Variants in STX17 observed in about 807,000 individuals in gnomAD.
STX17 encodes the protein syntaxin 17.
A neutral mutation model predicts 35.9 loss-of-function variants in STX17; 29 were observed. That is an observed-to-expected ratio of 0.81 (90% CI 0.60 to 1.10). The LOEUF (loss-of-function observed/expected upper bound fraction) is 1.10, where lower values mean the gene tolerates loss of function less well. STX17 is among the 50% of genes least tolerant of loss of function. The pLI, the probability that STX17 is intolerant of heterozygous loss-of-function variation, is 0.00. For missense variants in STX17, 312 were observed against 352.3 expected, an observed-to-expected ratio of 0.89 and a Z score of 0.92; for synonymous variants, 92 against 118.3, an observed-to-expected ratio of 0.78 and a Z score of 1.44.
At chr9:99,959,754 C>G (rs1254482329) in intron 4 of STX17, among the ~76,000 whole-genome samples, 163 bp from the exon 5 acceptor site, 1 of 152,192 alleles carries the variant, frequency 6.6e-6, no homozygotes, top group African/African-American at 2.4e-5. Flanking sequence ...AGCCACTGCA[C>G]CCAGCCAAAC....
chr9:99,928,983 A>G, intron 3 of STX17, 140 bp downstream of exon 3: 1 of 699,516 alleles, frequency 1.4e-6, no homozygotes, highest in Non-Finnish European at 2.3e-6. Flanking sequence ...TTTAGCAGAA[A>G]TTGCTGAATC....
At chr9:99,953,073 T>G (rs1053562773) in intron 4 of STX17, among the ~76,000 whole-genome samples, 1 of 151,990 alleles carries the variant, frequency 6.6e-6, no homozygotes. Flanking sequence ...AAAGAAATGT[T>G]ACATCTGCCC....
At chr9:99,919,745 A>C (rs185016989) in intron 2 of STX17, among the ~76,000 whole-genome samples, 3 of 152,148 alleles carry the variant, frequency 2.0e-5, no homozygotes, top group Non-Finnish European at 4.4e-5. Flanking sequence ...GATGTTTGCT[A>C]TTTCTTAGAT....
intron 1 of STX17, among the ~76,000 whole-genome samples, chr9:99,912,828 A>G (rs1486176210): frequency 6.6e-6 from 1 of 152,124 alleles, no homozygotes; most frequent in Non-Finnish European, 1.5e-5. Context: ...CATTTATTCT[A>G]TCCGTTAACA....
chr9:99,928,809 A>G lies in STX17; in HGVS notation c.155A>G (p.His52Arg), dbSNP rs745490602. ...YQRCRIWDKL[H>R]EEHINAGRTV... ...AGGTGCAGAATCTGGGACAAGTTGC[A>G]TGAAGAGCATATCAATGCAGGACGT... Residue 52 changes from histidine to arginine, a missense_variant, in exon 3 of 8, where the codon CAT becomes CGT. His to Arg is a conservative substitution (Grantham distance 29). Transcript: ENST00000259400. 9.9e-6 allele frequency: 16 copies of G among 1,613,610 alleles called. No individual in the cohort carries two copies. Among genetic ancestry groups the G allele is most frequent in the East Asian group, 4.5e-5 (2 of 44,800 alleles).
chr9:99,947,286 A>G (rs563183433), intron 3 of STX17, among the ~76,000 whole-genome samples: 4 of 152,266 alleles, frequency 2.6e-5, no homozygotes, highest in South Asian at 2.1e-4. Context: ...TAAAAAACCT[A>G]TATGTTGCTT....
Position 99,968,907 on chromosome 9 carries a change from T to A in STX17, c.*234T>A, listed in dbSNP as rs1829974589. 1 of 421,890 alleles carries A rather than the reference T, an allele frequency of 2.4e-6. No homozygotes were observed. Among genetic ancestry groups the A allele is most frequent in the African/African-American group, 2.0e-5 (1 of 48,868 alleles). 26.1% of individuals were successfully genotyped at this position (421,890 alleles called of 1,614,324 possible). ...TATATAATGTATGTCAGGTAAAGTT[T>A]GAAGACTGCCAAGGAGCAGATTTTC... is the stretch of plus-strand genomic sequence containing the variant. On this transcript the variant is annotated 3_prime_UTR_variant, in exon 8 of 8. Transcript: ENST00000259400.
intron 2 of STX17, among the ~76,000 whole-genome samples, chr9:99,924,350 C>T (rs1220976259): frequency 6.6e-6 from 1 of 151,960 alleles, no homozygotes; most frequent in African/African-American, 2.4e-5. Context: ...CCCACGTGGG[C>T]CATGGGAGTT....
At chr9:99,936,059 A>AT (rs1364887931) in intron 3 of STX17, among the ~76,000 whole-genome samples, 3 of 152,170 alleles carry the variant, frequency 2.0e-5, no homozygotes, top group African/African-American at 4.8e-5. Flanking sequence ...TTTGAAATTC[A>AT]TTTATGTTGT....
At chr9:99,919,864 T>C (rs372323471) in intron 2 of STX17, among the ~76,000 whole-genome samples, 22 of 152,354 alleles carry the variant, frequency 1.4e-4, no homozygotes, top group African/African-American at 5.1e-4. Flanking sequence ...AGAGGCAGCA[T>C]ATAATTACTA....
At chr9:99,931,994 C>T (rs1490355878) in intron 3 of STX17, among the ~76,000 whole-genome samples, 1 of 152,178 alleles carries the variant, frequency 6.6e-6, no homozygotes, top group Non-Finnish European at 1.5e-5. Context: ...CTTAGGGATA[C>T]CTCCAAATAT....
intron 3 of STX17, among the ~76,000 whole-genome samples, chr9:99,945,354 C>T (rs1054108533): frequency 1.3e-5 from 2 of 151,986 alleles, no homozygotes; most frequent in African/African-American, 4.8e-5. Flanking sequence ...AAGTGATTCT[C>T]TTTATTTTTA....
In STX17 at chr9:99,915,176, A is replaced by C; in HGVS notation, c.-62-2A>C. On this transcript the variant is annotated splice_acceptor_variant, in intron 1 of 7. Coordinates refer to ENST00000259400, the MANE Select transcript of STX17 (RefSeq NM_017919.3). LOFTEE classifies it low-confidence loss of function (5UTR_SPLICE). ...ATTCTTAAAGAAATATTTTTCTTTT[A>C]GGTTTTTCTATATGAGTGGAGAAGA... The C allele has an allele frequency of 6.7e-7, 1 of 1,488,338 alleles. No individual in the cohort carries two copies. Among genetic ancestry groups the C allele is most frequent in the Non-Finnish European group, 8.9e-7 (1 of 1,117,560 alleles). The allele number at this position is 1,488,338 out of a possible 1,614,324, so 92.2% of individuals were successfully genotyped here. A position where few individuals can be genotyped will look rare whatever the true frequency, so the allele number is the denominator to read the frequency against.
Position 99,938,093 on chromosome 9 carries a change from G to A in STX17, c.189+9250G>A, listed in dbSNP as rs1001562843. On this transcript the variant is annotated intron_variant, in intron 3 of 7. Transcript: ENST00000259400. ...CAGTGTTGAGTGAGTGCTGGGTACTGTTCTCTCTAACTTTTTCAGGTGGTT... is the reference window on the plus strand; with the variant it reads ...CAGTGTTGAGTGAGTGCTGGGTACTATTCTCTCTAACTTTTTCAGGTGGTT... 3.3e-5 allele frequency: 5 copies of A among 152,318 alleles called. No homozygotes were observed. In the East Asian group the frequency reaches 5.8e-4, roughly 18 times the overall value. 9.4% of individuals were successfully genotyped at this position (152,318 alleles called of 1,614,324 possible). A position where few individuals can be genotyped will look rare whatever the true frequency, so the allele number is the denominator to read the frequency against.
rs911806593 is a variant in STX17 at position 99,972,635 on chromosome 9, A to T, written c.*3962A>T. ...TGCTCTAAGATTTTTGTACAGGAGT[A>T]AGAATCAAATACTGGTAACATCAAT... On this transcript the variant is annotated 3_prime_UTR_variant, in exon 8 of 8. Transcript: ENST00000259400. Among the ~76,000 whole-genome samples, 6 of 152,214 alleles carry T rather than the reference A, an allele frequency of 3.9e-5. No individual in the cohort carries two copies. The highest frequency in any genetic ancestry group is 1.4e-4 in the African/African-American group (6 of 41,462).
intron 3 of STX17, among the ~76,000 whole-genome samples, chr9:99,938,503 G>T (rs1028646055): frequency 6.6e-6 from 1 of 152,188 alleles, no homozygotes; most frequent in Admixed American, 6.5e-5. Flanking sequence ...ATTTGATAAA[G>T]GCCAGGCGCA....
intron 1 of STX17, among the ~76,000 whole-genome samples, chr9:99,908,252 C>G (rs184409912): frequency 2.3e-4 from 32 of 138,832 alleles, no homozygotes; most frequent in African/African-American, 7.4e-4. Context: ...TAATTGACAT[C>G]TTGGGGGGGA....
chr9:99,948,840 A>G (rs1829536765), intron 3 of STX17, among the ~76,000 whole-genome samples: 1 of 152,164 alleles, frequency 6.6e-6, no homozygotes, highest in Non-Finnish European at 1.5e-5. Flanking sequence ...CTGGGGACAG[A>G]CATATGTACA....
At chr9:99,927,668 G>A (rs1829016973) in intron 2 of STX17, among the ~76,000 whole-genome samples, 1 of 152,022 alleles carries the variant, frequency 6.6e-6, no homozygotes, top group Admixed American at 6.5e-5. Context: ...GTAGAGACGG[G>A]GTTTCACCAT....
Sources: allele counts gnomAD v4.1 joint callset (sites outside exome capture counted in the v4.1 genomes callset), GRCh38; gene constraint gnomAD v4.1.1; transcripts MANE v1.5; gene names NCBI Gene and HGNC (gene_info 2026-07-23, HGNC 2026-07-21).